CACNG3: variants seen among roughly 807,000 people sequenced by gnomAD.
The protein encoded by CACNG3 is voltage-dependent calcium channel gamma-3 subunit.
Under a neutral mutation model 28.5 loss-of-function variants are expected in CACNG3, and 3 were observed. That is an observed-to-expected ratio of 0.11 (90% confidence interval 0.05 to 0.27). The LOEUF is 0.27. CACNG3 is among the 10% of genes least tolerant of loss of function. CACNG3 has a pLI of 1.00. For synonymous variants in CACNG3, 174 were observed against 162.2 expected (o/e 1.07, Z -0.55); for missense variants, 236 against 414.4 (o/e 0.57, Z 3.74).
At chr16:24,302,982 T>G (rs1899134902) in intron 1 of CACNG3, among the ~76,000 whole-genome samples, 1 of 150,926 alleles carries the variant, frequency 6.6e-6, no homozygotes, top group South Asian at 2.1e-4. Flanking sequence ...TAAATAGAGA[T>G]AAGGTCTTGC....
At chr16:24,304,521 T>C (rs560958722) in intron 1 of CACNG3, among the ~76,000 whole-genome samples, 4 of 152,146 alleles carry the variant, frequency 2.6e-5, no homozygotes, top group Non-Finnish European at 5.9e-5. Flanking sequence ...TTCTGGTCAC[T>C]ACCAGCCCTG....
intron 3 of CACNG3, 96 bp downstream of exon 3, chr16:24,355,069 G>C: frequency 2.5e-6 from 3 of 1,196,142 alleles, no homozygotes; most frequent in South Asian, 2.9e-5. Context: ...TCCCTCCAGG[G>C]AAGGAGCAAG....
intron 1 of CACNG3, among the ~76,000 whole-genome samples, chr16:24,272,835 T>C (rs1173554940): frequency 6.6e-6 from 1 of 152,226 alleles, no homozygotes; most frequent in African/African-American, 2.4e-5. Flanking sequence ...TTCCATTATA[T>C]AATTGCTTTT....
intron 1 of CACNG3, among the ~76,000 whole-genome samples, chr16:24,300,742 C>T (rs925796167): frequency 7.9e-5 from 12 of 151,824 alleles, no homozygotes; most frequent in Admixed American, 7.9e-4. Flanking sequence ...ATGGCAAAAC[C>T]CCGTCTCTAC....
intron 1 of CACNG3, among the ~76,000 whole-genome samples, chr16:24,305,922 C>T (rs1175810129): frequency 6.6e-6 from 1 of 152,168 alleles, no homozygotes; most frequent in Non-Finnish European, 1.5e-5. Flanking sequence ...ATTCTCTGCC[C>T]TGTGCCTCCC....
At chr16:24,316,761 C>T (rs1899357664) in intron 1 of CACNG3, among the ~76,000 whole-genome samples, 1 of 152,198 alleles carries the variant, frequency 6.6e-6, no homozygotes, top group Admixed American at 6.5e-5. Context: ...CGGTTTGGCC[C>T]AGTTAATCTG....
In CACNG3 at chr16:24,361,916, A is replaced by G. The variant is rs1159811342; in HGVS notation, c.*53A>G. On this transcript the variant is annotated 3_prime_UTR_variant, in exon 4 of 4. Coordinates refer to ENST00000005284, the MANE Select transcript of CACNG3 (RefSeq NM_006539.4). The surrounding 1 kb of genome is among the most constrained non-coding windows in gnomAD (Gnocchi z 6.8). ...CAGCACAGCCTTGGGGGAAGTGTAC[A>G]GAGATGTCTCTGAGGTTGCATGGCA... 2.6e-6 allele frequency: 4 copies of G among 1,511,282 alleles called. No homozygotes were observed. The highest frequency in any genetic ancestry group is 3.5e-6 in the Non-Finnish European group (4 of 1,128,510). The allele number at this position is 1,511,282 out of a possible 1,614,324, so 93.6% of individuals were successfully genotyped here. A position where few individuals can be genotyped will look rare whatever the true frequency, so the allele number is the denominator to read the frequency against.
intron 2 of CACNG3, among the ~76,000 whole-genome samples, chr16:24,353,908 T>G (rs1899993782): frequency 6.6e-6 from 1 of 152,138 alleles, no homozygotes; most frequent in Non-Finnish European, 1.5e-5. Context: ...TCCTGGGCTC[T>G]TAGGCCGGGT....
intron 1 of CACNG3, among the ~76,000 whole-genome samples, chr16:24,322,162 C>A (rs1055226949): frequency 5.9e-5 from 9 of 152,136 alleles, no homozygotes; most frequent in African/African-American, 2.2e-4. Flanking sequence ...CAGACATAGC[C>A]ACCCTCACCC....
At position 24,260,001 on chromosome 16, in the gene CACNG3, G is replaced by A. The variant is rs1051666634; in HGVS notation, c.211+3036G>A. ...TGCTCCAAGCAATTATGATGTTAAA[G>A]CCAACATGTATTGGTATTTGCACTG... On this transcript the variant is annotated intron_variant, in intron 1 of 3. Coordinates refer to ENST00000005284, the MANE Select transcript of CACNG3 (RefSeq NM_006539.4). 1.3e-5 allele frequency among the ~76,000 whole-genome samples: 2 copies of A among 152,316 alleles called. 1 individual carries two copies. The highest frequency in any genetic ancestry group is 6.8e-3 in the Middle Eastern group (2 of 294).
Position 24,361,997 on chromosome 16 carries a change from C to T in CACNG3, c.*134C>T. 1 of 888,212 alleles carries T rather than the reference C, an allele frequency of 1.1e-6. No homozygotes were observed. Among genetic ancestry groups the T allele is most frequent in the Non-Finnish European group, 1.7e-6 (1 of 604,404 alleles). The allele number at this position is 888,212 out of a possible 1,614,324, so 55.0% of individuals were successfully genotyped here. ...AGAATGAAACCAAATGGACTCAGCC[C>T]TCTCCCACATTTTCCCCTCACCCTC... is the stretch of plus-strand genomic sequence containing the variant. On this transcript the variant is annotated 3_prime_UTR_variant, in exon 4 of 4. Coordinates refer to ENST00000005284, the MANE Select transcript of CACNG3 (RefSeq NM_006539.4). This position sits in a 1 kb window ranked among gnomAD's most constrained non-coding sequence, Gnocchi z 6.8.
intron 1 of CACNG3, among the ~76,000 whole-genome samples, chr16:24,324,056 G>A (rs1350965997): frequency 2.0e-5 from 3 of 152,160 alleles, no homozygotes; most frequent in African/African-American, 4.8e-5. Context: ...TTACAGACGT[G>A]AGACAATGTA....
At chr16:24,310,751 T>C (rs1899250068) in intron 1 of CACNG3, among the ~76,000 whole-genome samples, 1 of 152,194 alleles carries the variant, frequency 6.6e-6, no homozygotes, top group Non-Finnish European at 1.5e-5. Context: ...CAAGGTCACA[T>C]ACCTGGTAGG....
In CACNG3 at chr16:24,300,441, TG is replaced by T. The variant is rs112142786; in HGVS notation, c.211+43483del. On this transcript the variant is annotated intron_variant, in intron 1 of 3. Transcript: ENST00000005284. ...CCATTGTTGCCAGGTCTTCTGATTC[TG>T]GGGGGGAAACCAGAAATCTACATTT... 4.9e-3 allele frequency among the ~76,000 whole-genome samples: 739 copies of T among 151,938 alleles called. 4 individuals carry two copies. Among genetic ancestry groups the T allele is most frequent in the African/African-American group, 0.016 (661 of 41,452 alleles).
chr16:24,329,082 C>T (rs1247412953), intron 1 of CACNG3, among the ~76,000 whole-genome samples: 3 of 152,190 alleles, frequency 2.0e-5, no homozygotes, highest in Admixed American at 6.5e-5. Flanking sequence ...AGCCTGGGGG[C>T]AGCTCAGATT....
rs935809266 is a variant in CACNG3 at position 24,300,744 on chromosome 16, C to T, written c.211+43779C>T. ...CAGCCTGGCCAACATGGCAAAACCC[C>T]GTCTCTACTAAAAATACAAAAATTA... On this transcript the variant is annotated intron_variant, in intron 1 of 3. Coordinates refer to ENST00000005284, the MANE Select transcript of CACNG3 (RefSeq NM_006539.4). 1.9e-4 allele frequency among the ~76,000 whole-genome samples: 29 copies of T among 152,108 alleles called. 3 individuals are homozygous for T. Among genetic ancestry groups the T allele is most frequent in the East Asian group, 9.7e-4 (5 of 5,168 alleles).
Position 24,359,674 on chromosome 16 carries a change from C to T in CACNG3, c.437-1678C>T, listed in dbSNP as rs577282859. Among the ~76,000 whole-genome samples, 162 of 151,402 alleles carry T rather than the reference C, an allele frequency of 1.1e-3. 1 individual carries two copies. The highest frequency in any genetic ancestry group is 3.7e-3 in the African/African-American group (152 of 41,242). ...GCCAGGAGTTCAAAACCAGACTGGG[C>T]AACATAGCAAGACCCCATTTCTAAA... On this transcript the variant is annotated intron_variant, in intron 3 of 3. Transcript: ENST00000005284.
chr16:24,340,608 T>C (rs1899772547), intron 1 of CACNG3, among the ~76,000 whole-genome samples: 1 of 152,156 alleles, frequency 6.6e-6, no homozygotes, highest in Non-Finnish European at 1.5e-5. Flanking sequence ...CCCCTCCTCA[T>C]GTGAAGGAAG....
Position 24,354,855 on chromosome 16 carries a change from C to T in CACNG3, c.318C>T (p.Val106=), listed in dbSNP as rs961765037. The change falls in exon 3 of 4, where the codon GTC becomes GTT. Residue 106 remains valine (V), a synonymous_variant. Transcript: ENST00000005284. Reference sequence around the variant, plus strand: ...CAGGAGCTGTGAGGGCCTCCAGTGTCTTCCCCATCCTCAGTGTCACGCTGC... The same window carrying T: ...CAGGAGCTGTGAGGGCCTCCAGTGTTTTCCCCATCCTCAGTGTCACGCTGC... The part of the protein sequence containing the change: ...YLLRAVRASS[V]FPILSVTLLF... 1.2e-6 allele frequency: 2 copies of T among 1,612,140 alleles called. No individual in the cohort carries two copies. The highest frequency in any genetic ancestry group is 1.7e-6 in the Non-Finnish European group (2 of 1,180,026).
Sources: allele counts gnomAD v4.1 joint callset (sites outside exome capture counted in the v4.1 genomes callset), GRCh38; gene constraint gnomAD v4.1.1; non-coding constraint Gnocchi (gnomAD v3.1); transcripts MANE v1.5; gene names NCBI Gene and HGNC (gene_info 2026-07-23, HGNC 2026-07-21).